CLASP2: variants seen among roughly 807,000 people sequenced by gnomAD.
CLASP2 encodes the protein CLIP-associating protein 2.
In CLASP2, 47 loss-of-function variants were observed where a neutral mutation model predicts 194.4. The ratio of observed to expected loss-of-function variants is 0.24; its 90% CI spans 0.19 to 0.31. The LOEUF (loss-of-function observed/expected upper bound fraction) is 0.31, where lower values mean the gene tolerates loss of function less well. Ranked by LOEUF, CLASP2 falls within the 10% of genes least tolerant of loss-of-function variation. CLASP2 has a pLI of 1.00. For missense variants in CLASP2, 1,445 were observed against 1,823.6 expected (o/e 0.79, Z 3.78); for synonymous variants, 619 against 633.5 (o/e 0.98, Z 0.34).
In CLASP2 at chr3:33,596,713, T is replaced by C. The variant is rs2070495230; in HGVS notation, c.1946A>G (p.Asp649Gly). ...ASLEDTSDKL[D>G]GTASEDGRVR... ...GAATTAGGAAAGGAAGTTCTTACCA[T>C]CCAGCTTGTCAGAAGTATCCTCTTT... Residue 649 changes from aspartate (D) to glycine (G), a missense_variant and splice_region_variant, in exon 19 of 39, where the codon GAT (aspartate) becomes GGT (glycine). Transcript: ENST00000682230. The C allele has an allele frequency of 1.3e-6, 2 of 1,567,654 alleles. No homozygotes were observed. The highest frequency in any genetic ancestry group is 1.4e-5 in the African/African-American group (1 of 73,724).
At chr3:33,696,302 T>C (rs960698301) in intron 2 of CLASP2, among the ~76,000 whole-genome samples, 7 of 150,438 alleles carry the variant, frequency 4.7e-5, no homozygotes, top group African/African-American at 1.7e-4. Context: ...TTACAAATTG[T>C]GGCATTTCAC....
intron 7 of CLASP2, among the ~76,000 whole-genome samples, chr3:33,653,857 T>C (rs1274680390): frequency 6.6e-6 from 1 of 152,116 alleles, no homozygotes; most frequent in East Asian, 1.9e-4. Flanking sequence ...ATTATAATAA[T>C]TTTAATCACT....
At chr3:33,530,068 TC>T (rs2055873574) in intron 34 of CLASP2, among the ~76,000 whole-genome samples, 1 of 150,654 alleles carries the variant, frequency 6.6e-6, no homozygotes, top group Non-Finnish European at 1.5e-5. Flanking sequence ...AACAATGCCT[TC>T]TTGTGGAATA....
chr3:33,714,925 T>C (rs1214891523), intron 1 of CLASP2, among the ~76,000 whole-genome samples: 2 of 152,146 alleles, frequency 1.3e-5, no homozygotes, highest in Non-Finnish European at 2.9e-5. Context: ...CTCCACCATA[T>C]TTAGAATAAA....
chr3:33,623,944 T>C (rs1265073262), intron 10 of CLASP2, among the ~76,000 whole-genome samples: 1 of 152,156 alleles, frequency 6.6e-6, no homozygotes, highest in Non-Finnish European at 1.5e-5. Flanking sequence ...AGAAAGCCTT[T>C]CCTCTAAGGT....
intron 13 of CLASP2, among the ~76,000 whole-genome samples, chr3:33,608,963 T>G (rs529653289): frequency 6.6e-6 from 1 of 152,068 alleles, no homozygotes; most frequent in Non-Finnish European, 1.5e-5. Flanking sequence ...TCCTCATAAT[T>G]TTAACTTAAA....
intron 1 of CLASP2, among the ~76,000 whole-genome samples, chr3:33,700,436 CAAAA>C (rs1017743314): frequency 6.6e-6 from 1 of 151,766 alleles, no homozygotes; most frequent in African/African-American, 2.4e-5. Context: ...AACAAACAAA[CAAAA>C]AAACCTTAAA....
At chr3:33,604,244 C>T in intron 16 of CLASP2, 35 bp from the exon 17 acceptor site, 1 of 1,321,374 alleles carries the variant, frequency 7.6e-7, no homozygotes, top group Non-Finnish European at 1.1e-6. Flanking sequence ...AGTAAGAAGA[C>T]AATTTAACAC....
chr3:33,660,046 T>C (rs1355853335), intron 7 of CLASP2, among the ~76,000 whole-genome samples: 1 of 152,202 alleles, frequency 6.6e-6, no homozygotes. Flanking sequence ...ACTTTACTAA[T>C]GATTGCATGG....
At chr3:33,592,638 A>C (rs1281643520) in intron 20 of CLASP2, 142 bp from the exon 21 acceptor site, 1 of 727,320 alleles carries the variant, frequency 1.4e-6, no homozygotes, top group Non-Finnish European at 2.3e-6. Context: ...TTTCTCTTAA[A>C]AATTTTATAA....
intron 2 of CLASP2, among the ~76,000 whole-genome samples, chr3:33,693,894 T>C (rs2091609588): frequency 6.6e-6 from 1 of 151,824 alleles, no homozygotes; most frequent in South Asian, 2.1e-4. Flanking sequence ...ACATGTGCCA[T>C]CTAGTTGCAC....
chr3:33,666,726 G>A (rs1275762830), intron 6 of CLASP2, among the ~76,000 whole-genome samples: 1 of 152,100 alleles, frequency 6.6e-6, no homozygotes, highest in Admixed American at 6.5e-5. Context: ...TATACAGCCA[G>A]GAATGGAATT....
rs994740882 is a variant in CLASP2, at chr3:33,496,281, C to T, written c.*2350G>A. 9 of 152,134 alleles carry T rather than the reference C, an allele frequency of 5.9e-5. No homozygotes were observed. Among genetic ancestry groups the T allele is most frequent in the African/African-American group, 1.7e-4 (7 of 41,428 alleles). 9.4% of individuals were successfully genotyped at this position (152,134 alleles called of 1,614,324 possible). A position where few individuals can be genotyped will look rare whatever the true frequency, so the allele number is the denominator to read the frequency against. On this transcript the variant is annotated 3_prime_UTR_variant, in exon 39 of 39. Coordinates refer to ENST00000682230, the MANE Select transcript of CLASP2 (RefSeq NM_001365631.1). ...GGAATATATAATTTTAATTAGTTCT[C>T]AGCAGTGCAGTAAATGAACAACACT...
intron 13 of CLASP2, among the ~76,000 whole-genome samples, chr3:33,609,409 C>G (rs1469445525): frequency 6.6e-6 from 1 of 152,228 alleles, no homozygotes; most frequent in Admixed American, 6.5e-5. Flanking sequence ...GATCTTTCAT[C>G]TTTACACTGT....
At chr3:33,512,557 T>TA (rs71070140) in intron 36 of CLASP2, among the ~76,000 whole-genome samples, 821 of 12,472 alleles carry the variant, frequency 0.066, 128 homozygotes, top group African/African-American at 0.21. Flanking sequence ...TAGAGTATAA[T>TA]AAAAAAAAAA....
rs1249879621 is a variant in CLASP2, at chr3:33,499,932, C to T, written c.4435-1215G>A. Among the ~76,000 whole-genome samples the T allele has an allele frequency of 2.6e-5, 4 of 152,274 alleles. No homozygotes were observed. In the East Asian group the frequency reaches 7.7e-4, roughly 29 times the overall value. ...AGATCTTAGACCATGAAGCCACTGTCATCCTACCAAGAATGTTTTAAATAT... is the reference window on the plus strand; with the variant it reads ...AGATCTTAGACCATGAAGCCACTGTTATCCTACCAAGAATGTTTTAAATAT... On this transcript the variant is annotated intron_variant, in intron 38 of 38. Transcript: ENST00000682230.
At chr3:33,607,289 TA>T in intron 15 of CLASP2, 94 bp downstream of exon 15, 1 of 814,008 alleles carries the variant, frequency 1.2e-6, no homozygotes. Context: ...GCTAGTCAAG[TA>T]AAATACTTGG....
chr3:33,680,883 T>C (rs2089713069), intron 6 of CLASP2, among the ~76,000 whole-genome samples: 1 of 151,962 alleles, frequency 6.6e-6, no homozygotes, highest in African/African-American at 2.4e-5. Context: ...TCCCAGCACT[T>C]TGGGAGGCCG....
chr3:33,645,572 A>T (rs2082132075), intron 7 of CLASP2: 1 of 429,446 alleles, frequency 2.3e-6, no homozygotes, highest in Admixed American at 4.0e-5. Flanking sequence ...CATGCATCTA[A>T]AAAATTCTCT....
Sources: gnomAD v4.1 joint callset for allele counts (sites outside exome capture counted in the v4.1 genomes callset) on GRCh38, gnomAD v4.1.1 for gene constraint, MANE v1.5 for transcripts, NCBI Gene and HGNC (gene_info 2026-07-23, HGNC 2026-07-21) for gene names.